Variants in TRIP12 observed in about 807,000 individuals in gnomAD.
The protein encoded by TRIP12 is E3 ubiquitin-protein ligase TRIP12.
A neutral mutation model predicts 244.2 loss-of-function variants in TRIP12; 25 were observed. The ratio of observed to expected loss-of-function variants is 0.10; its 90% CI spans 0.07 to 0.14. TRIP12 has a LOEUF of 0.14. Ranked by LOEUF, TRIP12 falls within the 10% of genes least tolerant of loss-of-function variation. TRIP12 has a pLI of 1.00. For synonymous variants in TRIP12, 905 were observed against 873.1 expected, an observed-to-expected ratio of 1.04 and a Z score of -0.64; for missense variants, 1,677 against 2,486.4, an observed-to-expected ratio of 0.67 and a Z score of 6.92.
At chr2:229,879,329 TGCAAGAAGAGTTCTGA>T (rs2064336757) in intron 2 of TRIP12, among the ~76,000 whole-genome samples, 2 of 152,312 alleles carry the variant, frequency 1.3e-5, no homozygotes, top group African/African-American at 4.8e-5. Flanking sequence ...AACTAGGCCT[TGCAAGAAGAGTTCTGA>T]GTATTTTTTA....
In TRIP12 at chr2:229,890,808, C is replaced by T. The variant is rs73101702; in HGVS notation, c.-49-10680G>A. Among the ~76,000 whole-genome samples, 805 of 152,298 alleles carry T rather than the reference C, an allele frequency of 5.3e-3. 9 individuals are homozygous for T. Among genetic ancestry groups the T allele is most frequent in the African/African-American group, 0.019 (779 of 41,550 alleles). ...TATAGACTAATGCCCCACATTTCTA[C>T]ATTTAGCATTTTTACCAAAAATAAG... is the stretch of plus-strand genomic sequence containing the variant. On this transcript the variant is annotated intron_variant, in intron 1 of 41. Coordinates refer to ENST00000675903, the MANE Select transcript of TRIP12 (RefSeq NM_001348323.3).
At chr2:229,898,008 T>C (rs2069386545) in intron 1 of TRIP12, among the ~76,000 whole-genome samples, 2 of 152,192 alleles carry the variant, frequency 1.3e-5, no homozygotes, top group South Asian at 4.1e-4. Flanking sequence ...AAACCTAAGT[T>C]TGGCATTATA....
intron 4 of TRIP12, among the ~76,000 whole-genome samples, chr2:229,843,079 T>TCC (rs1156923062): frequency 2.4e-5 from 2 of 81,880 alleles, no homozygotes; most frequent in Non-Finnish European, 4.7e-5. Flanking sequence ...ACTCCTTCCC[T>TCC]CCCTCCCTCC....
chr2:229,778,584 C>G lies in TRIP12; in HGVS notation c.5213G>C (p.Ser1738Thr). ...TTGAATATACTTGGTCCCTTCTTGG[C>G]TCCCTGAAAAACAAGCAATGCAGCA... is the stretch of plus-strand genomic sequence containing the variant. Reference protein sequence around the residue: ...EEVTLSNPKGSQEGTKYIQNL... With the variant: ...EEVTLSNPKGTQEGTKYIQNL... Residue 1738 changes from serine to threonine, a missense_variant, in exon 36 of 42, where the codon AGC becomes ACC. Coordinates refer to ENST00000675903, the MANE Select transcript of TRIP12 (RefSeq NM_001348323.3). The surrounding 1 kb of genome is among the most constrained non-coding windows in gnomAD (Gnocchi z 4.1). 1 of 1,609,494 alleles carries G rather than the reference C, an allele frequency of 6.2e-7. No homozygotes were observed. Among genetic ancestry groups the G allele is most frequent in the Non-Finnish European group, 8.5e-7 (1 of 1,177,948 alleles).
chr2:229,892,430 T>A (rs1292659341), intron 1 of TRIP12, among the ~76,000 whole-genome samples: 1 of 152,190 alleles, frequency 6.6e-6, no homozygotes, highest in African/African-American at 2.4e-5. Context: ...TTGAGTCTGT[T>A]CAAACCCTGG....
At chr2:229,858,472 C>A (rs933831166) in intron 4 of TRIP12, among the ~76,000 whole-genome samples, 15 of 152,268 alleles carry the variant, frequency 9.9e-5, no homozygotes, top group Admixed American at 9.2e-4. Context: ...AACTTTATGT[C>A]CCATCCTGAT....
At chr2:229,852,654 A>G (rs1386594044) in intron 4 of TRIP12, among the ~76,000 whole-genome samples, 1 of 152,194 alleles carries the variant, frequency 6.6e-6, no homozygotes, top group Non-Finnish European at 1.5e-5. Flanking sequence ...GTAACACAGA[A>G]TGACCTTTGT....
At chr2:229,889,850 G>A (rs761778509) in intron 1 of TRIP12, among the ~76,000 whole-genome samples, 3 of 152,106 alleles carry the variant, frequency 2.0e-5, no homozygotes, top group Non-Finnish European at 4.4e-5. Context: ...TCCCTTAAGC[G>A]ACAGACAGAA....
intron 4 of TRIP12, among the ~76,000 whole-genome samples, chr2:229,857,987 T>C (rs957321413): frequency 5.9e-5 from 9 of 152,196 alleles, no homozygotes; most frequent in African/African-American, 2.2e-4. Context: ...ATATTACATA[T>C]GAAAAAGTTT....
At chr2:229,854,276 T>C (rs1009256993) in intron 4 of TRIP12, among the ~76,000 whole-genome samples, 1 of 152,230 alleles carries the variant, frequency 6.6e-6, no homozygotes, top group Non-Finnish European at 1.5e-5. Context: ...AATGACAACA[T>C]GTAGTATTTG....
intron 1 of TRIP12, among the ~76,000 whole-genome samples, chr2:229,893,502 T>TG (rs2067922224): frequency 1.3e-5 from 2 of 151,956 alleles, no homozygotes; most frequent in East Asian, 3.9e-4. Context: ...AATTTTTTTT[T>TG]TTTTACCATT....
chr2:229,805,141 G>C (rs1470166510), intron 18 of TRIP12, among the ~76,000 whole-genome samples: 2 of 151,872 alleles, frequency 1.3e-5, no homozygotes, highest in Non-Finnish European at 2.9e-5. Context: ...TCCTGACCTC[G>C]TGATCTGCCT....
rs763002938 is a variant in TRIP12 at position 229,840,803 on chromosome 2, A to G, written c.1133+19T>C. On this transcript the variant is annotated intron_variant, in intron 5 of 41. Coordinates refer to ENST00000675903, the MANE Select transcript of TRIP12 (RefSeq NM_001348323.3). ...CAGAATAAAAATGAACTCACTATAAAAAAAAAAAAACAAATTACCTGGTAC... is the reference window on the plus strand; with the variant it reads ...CAGAATAAAAATGAACTCACTATAAGAAAAAAAAAACAAATTACCTGGTAC... 13 of 1,514,642 alleles carry G rather than the reference A, an allele frequency of 8.6e-6. No homozygotes were observed. Among genetic ancestry groups the G allele is most frequent in the Non-Finnish European group, 1.2e-5 (13 of 1,123,086 alleles). 93.8% of individuals were successfully genotyped at this position (1,514,642 alleles called of 1,614,324 possible).
chr2:229,815,038 A>G (rs1482984996), intron 11 of TRIP12, 61 bp downstream of exon 11: 2 of 1,274,862 alleles, frequency 1.6e-6, no homozygotes, highest in East Asian at 4.7e-5. Context: ...CTAAAATTCA[A>G]GAGTTTGAAA....
chr2:229,889,362 A>G (rs1304588762), intron 1 of TRIP12, among the ~76,000 whole-genome samples: 3 of 152,244 alleles, frequency 2.0e-5, no homozygotes, highest in Non-Finnish European at 4.4e-5. Flanking sequence ...TTTCTAAAAT[A>G]CAGAGCCACT....
In TRIP12 at chr2:229,767,521, TG is replaced by T; in HGVS notation, c.*32del. ...AGAAATCATGATTTGTTTCTTTTGC[TG>T]TAACAGGCAGACACTGCATTTCTTG... is the stretch of plus-strand genomic sequence containing the variant. On this transcript the variant is annotated 3_prime_UTR_variant, in exon 42 of 42. Transcript: ENST00000675903. 6.4e-7 allele frequency: 1 copy of T among 1,550,558 alleles called. No individual in the cohort carries two copies. Among genetic ancestry groups the T allele is most frequent in the Non-Finnish European group, 8.7e-7 (1 of 1,148,538 alleles).
intron 1 of TRIP12, among the ~76,000 whole-genome samples, chr2:229,919,101 C>T (rs185651775): frequency 6.6e-6 from 1 of 152,240 alleles, no homozygotes; most frequent in East Asian, 1.9e-4. Flanking sequence ...GTCTAGATAA[C>T]ATAAATACAA....
intron 8 of TRIP12, among the ~76,000 whole-genome samples, chr2:229,823,907 A>T (rs2050785496): frequency 6.8e-6 from 1 of 146,696 alleles, no homozygotes; most frequent in South Asian, 2.1e-4. Flanking sequence ...ACACTATGTT[A>T]AAAAAAAAAG....
intron 1 of TRIP12, among the ~76,000 whole-genome samples, chr2:229,899,907 A>T (rs2070129075): frequency 6.6e-6 from 1 of 152,196 alleles, no homozygotes; most frequent in South Asian, 2.1e-4. Context: ...CAAATACACA[A>T]TTCACACCTA....
Sources: allele counts gnomAD v4.1 joint callset (sites outside exome capture counted in the v4.1 genomes callset), GRCh38; gene constraint gnomAD v4.1.1; non-coding constraint Gnocchi (gnomAD v3.1); transcripts MANE v1.5; gene names NCBI Gene and HGNC (gene_info 2026-07-23, HGNC 2026-07-21).